The following PPA2 variants were observed in gnomAD, a reference collection of about 807,000 sequenced individuals.
PPA2 encodes inorganic pyrophosphatase 2, mitochondrial.
PPA2 carries 48 observed loss-of-function variants against 49.5 expected under a neutral mutation model. The observed-to-expected ratio is 0.97, with a 90% CI of 0.77 to 1.23. The LOEUF is 1.23. PPA2 is among the 50% of genes most tolerant of loss of function. The probability of loss-of-function intolerance (pLI) is 0.00; values close to 1 mark genes in which losing one functional copy is unlikely to be tolerated. For synonymous variants in PPA2, 131 were observed against 139.9 expected, an observed-to-expected ratio of 0.94 and a Z score of 0.45; for missense variants, 429 against 410.1, an observed-to-expected ratio of 1.05 and a Z score of -0.40.
chr4:105,435,357 T>C (rs1724000213), intron 6 of PPA2, among the ~76,000 whole-genome samples: 1 of 152,182 alleles, frequency 6.6e-6, no homozygotes, highest in Non-Finnish European at 1.5e-5. Flanking sequence ...ATTCATGAAT[T>C]GTTCCATGTT....
At chr4:105,412,823 T>C (rs147954254) in intron 7 of PPA2, among the ~76,000 whole-genome samples, 9,611 of 152,156 alleles carry the variant, frequency 0.063, 432 homozygotes, top group South Asian at 0.091. Context: ...CATTAAAAAG[T>C]CAGGAAACAA....
At chr4:105,460,013 A>T (rs1465983459) in intron 1 of PPA2, among the ~76,000 whole-genome samples, 1 of 152,244 alleles carries the variant, frequency 6.6e-6, no homozygotes, top group East Asian at 1.9e-4. Context: ...GTCAAAACTC[A>T]GAAGTGTCCA....
At chr4:105,394,613 T>C (rs1393443629) in intron 9 of PPA2, among the ~76,000 whole-genome samples, 1 of 152,200 alleles carries the variant, frequency 6.6e-6, no homozygotes, top group Non-Finnish European at 1.5e-5. Context: ...ACTCTTACTG[T>C]TAATGTAATC....
At chr4:105,396,403 C>A in intron 8 of PPA2, 69 bp from the exon 9 acceptor site, 1 of 1,054,184 alleles carries the variant, frequency 9.5e-7, no homozygotes, top group Admixed American at 2.5e-5. Flanking sequence ...TAACACAAAA[C>A]TAATCTTGTG....
At chr4:105,459,274 A>T (rs1014254940) in intron 1 of PPA2, among the ~76,000 whole-genome samples, 25 of 141,072 alleles carry the variant, frequency 1.8e-4, no homozygotes, top group Non-Finnish European at 2.9e-4. Flanking sequence ...GGATGCACTT[A>T]AAAAAAACTT....
At chr4:105,393,327 A>C (rs987520770) in intron 9 of PPA2, among the ~76,000 whole-genome samples, 2 of 151,616 alleles carry the variant, frequency 1.3e-5, no homozygotes, top group Non-Finnish European at 2.9e-5. Flanking sequence ...GACCCTGTCC[A>C]TTCAAAAAAT....
At chr4:105,372,791 C>T (rs753513024) in intron 10 of PPA2, among the ~76,000 whole-genome samples, 18 of 152,166 alleles carry the variant, frequency 1.2e-4, no homozygotes, top group Non-Finnish European at 2.4e-4. Flanking sequence ...TAAGCCAATT[C>T]CTTATAATAA....
intron 6 of PPA2, among the ~76,000 whole-genome samples, 174 bp from the exon 7 acceptor site, chr4:105,424,496 A>C (rs577953359): frequency 1.3e-5 from 2 of 152,122 alleles, no homozygotes; most frequent in South Asian, 4.1e-4. Context: ...TTTAGAGTTA[A>C]CTTTCTCAAA....
chr4:105,473,788 A>G (rs931438184), intron 1 of PPA2, 106 bp downstream of exon 1: 1 of 1,501,234 alleles, frequency 6.7e-7, no homozygotes, highest in Non-Finnish European at 9.1e-7. Flanking sequence ...GAGGGCCCCA[A>G]AAAGAGAGAA....
At chr4:105,454,978 T>C (rs1195363369) in intron 2 of PPA2, among the ~76,000 whole-genome samples, 2 of 152,186 alleles carry the variant, frequency 1.3e-5, no homozygotes, top group African/African-American at 2.4e-5. Context: ...GATTTTGCTA[T>C]AGCATACCCC....
At chr4:105,404,408 T>C (rs1722362134) in intron 7 of PPA2, among the ~76,000 whole-genome samples, 1 of 152,184 alleles carries the variant, frequency 6.6e-6, no homozygotes, top group South Asian at 2.1e-4. Context: ...TAAATAACTT[T>C]CGGGTCCAAA....
rs751979228 is a variant in PPA2, at chr4:105,473,869, C to T, written c.157+25G>A. 3.2e-6 allele frequency: 5 copies of T among 1,577,738 alleles called. No homozygotes were observed. The African/African-American group carries it at 5.4e-5, about 17-fold the overall frequency. ...ACCCAGGTTTCTCCGGTGCGCCGCTCGGCGAACCTCCGGGAGCTACTTACT... is the reference window on the plus strand; with the variant it reads ...ACCCAGGTTTCTCCGGTGCGCCGCTTGGCGAACCTCCGGGAGCTACTTACT... On this transcript the variant is annotated intron_variant, in intron 1 of 11. Coordinates refer to ENST00000341695, the MANE Select transcript of PPA2 (RefSeq NM_176869.3).
chr4:105,453,672 AAT>A (rs1388940407), intron 2 of PPA2, 30 bp from the exon 3 acceptor site: 1 of 1,569,082 alleles, frequency 6.4e-7, no homozygotes, highest in South Asian at 1.2e-5. Context: ...GAAAGACTGC[AAT>A]ATTTCATGAA....
At chr4:105,458,753 C>T (rs910132753) in intron 1 of PPA2, among the ~76,000 whole-genome samples, 8 of 127,624 alleles carry the variant, frequency 6.3e-5, no homozygotes, top group Non-Finnish European at 1.3e-4. Context: ...ACCCAGGAGG[C>T]GGAGGTTGCG....
At chr4:105,432,745 T>C (rs1039971015) in intron 6 of PPA2, among the ~76,000 whole-genome samples, 2 of 152,160 alleles carry the variant, frequency 1.3e-5, no homozygotes, top group Non-Finnish European at 1.5e-5. Flanking sequence ...TCATCAGTTA[T>C]TGTTAGTGTT....
intron 9 of PPA2, among the ~76,000 whole-genome samples, chr4:105,391,011 A>G (rs936633037): frequency 7.0e-6 from 1 of 143,378 alleles, no homozygotes; most frequent in Non-Finnish European, 1.5e-5. Flanking sequence ...AGCCATAAAA[A>G]GGAATGAGAT....
Position 105,423,605 on chromosome 4 carries a change from C to G in PPA2, c.655+591G>C, listed in dbSNP as rs1246812401. On this transcript the variant is annotated intron_variant, in intron 7 of 11. Transcript: ENST00000341695. ...AAAGTCACTCAGCCAGGAAGTAGCA[C>G]AGCCAGAACTTAAACTGAAGTCTGT... Among the ~76,000 whole-genome samples the G allele has an allele frequency of 3.3e-5, 5 of 152,284 alleles. No homozygotes were observed. In the East Asian group the frequency reaches 9.6e-4, roughly 29 times the overall value.
intron 1 of PPA2, chr4:105,473,536 G>A (rs766895579): frequency 4.7e-5 from 24 of 509,286 alleles, no homozygotes; most frequent in Middle Eastern, 3.1e-4. Flanking sequence ...TGTGTGAACC[G>A]GGAACGGCGG....
chr4:105,462,843 C>T (rs145472723), intron 1 of PPA2, among the ~76,000 whole-genome samples: 24 of 152,290 alleles, frequency 1.6e-4, no homozygotes, highest in African/African-American at 5.8e-4. Context: ...CACAAGCTCT[C>T]GTCTGCCACC....
Sources: gnomAD v4.1 joint callset for allele counts (sites outside exome capture counted in the v4.1 genomes callset) on GRCh38, gnomAD v4.1.1 for gene constraint, MANE v1.5 for transcripts, NCBI Gene and HGNC (gene_info 2026-07-23, HGNC 2026-07-21) for gene names.